Variants in FAM135B observed in about 807,000 individuals in gnomAD.
The protein encoded by FAM135B is protein FAM135B.
Under a neutral mutation model 127.7 loss-of-function variants are expected in FAM135B, and 43 were observed. That is an observed-to-expected ratio of 0.34 (90% CI 0.26 to 0.43). The LOEUF is 0.43. FAM135B is among the 20% of genes least tolerant of loss of function. The probability of loss-of-function intolerance (pLI) is 1.00; values close to 1 mark genes in which losing one functional copy is unlikely to be tolerated. For missense variants in FAM135B, 1,558 were observed against 1,725.6 expected (o/e 0.90, Z 1.72); for synonymous variants, 670 against 665.1 (o/e 1.01, Z -0.11).
intron 1 of FAM135B, among the ~76,000 whole-genome samples, chr8:138,479,975 G>A (rs1276884586): frequency 6.6e-6 from 1 of 152,008 alleles, no homozygotes; most frequent in Non-Finnish European, 1.5e-5. Context: ...ATTCCTCATT[G>A]AGACAGTCTG....
At chr8:138,474,530 T>C (rs1019266843) in intron 1 of FAM135B, among the ~76,000 whole-genome samples, 1 of 152,108 alleles carries the variant, frequency 6.6e-6, no homozygotes, top group African/African-American at 2.4e-5. Flanking sequence ...GGGACATAGG[T>C]ATGATTTTAC....
intron 12 of FAM135B, among the ~76,000 whole-genome samples, chr8:138,156,218 G>A (rs1303937476): frequency 6.6e-6 from 1 of 152,158 alleles, no homozygotes; most frequent in East Asian, 1.9e-4. Context: ...ATGAAATGAA[G>A]GCAGAAATAA....
At chr8:138,272,251 G>C (rs73439043) in intron 3 of FAM135B, among the ~76,000 whole-genome samples, 3,593 of 152,184 alleles carry the variant, frequency 0.024, 101 homozygotes, top group East Asian at 0.081. Flanking sequence ...TTGCATATCA[G>C]TAACACTCAA....
intron 1 of FAM135B, among the ~76,000 whole-genome samples, chr8:138,395,446 G>A (rs1456842987): frequency 1.3e-5 from 2 of 152,114 alleles, no homozygotes; most frequent in African/African-American, 4.8e-5. Context: ...GAAAAACTGA[G>A]ACACCTGAGT....
chr8:138,365,765 A>C (rs947359082), intron 2 of FAM135B, among the ~76,000 whole-genome samples: 4 of 152,164 alleles, frequency 2.6e-5, no homozygotes, highest in Admixed American at 1.3e-4. Context: ...TGAAGTTAAA[A>C]CTAGAAATCA....
Position 138,206,234 on chromosome 8 carries a change from G to A in FAM135B, c.670-8565C>T, listed in dbSNP as rs1323314594. On this transcript the variant is annotated intron_variant, in intron 7 of 19. Transcript: ENST00000395297. ...CTCTCATCCCCTCCACCTACACACA[G>A]CTCTCTCATCCCCTCCACCTACACA... 8.7e-3 allele frequency among the ~76,000 whole-genome samples: 242 copies of A among 27,928 alleles called. 1 individual carries two copies. The highest frequency in any genetic ancestry group is 0.013 in the African/African-American group (83 of 6,632). The allele number at this position is 27,928 out of a possible 152,430, so 18.3% of individuals were successfully genotyped here.
intron 1 of FAM135B, among the ~76,000 whole-genome samples, chr8:138,455,300 C>A (rs1289723766): frequency 1.3e-5 from 2 of 152,150 alleles, no homozygotes; most frequent in African/African-American, 2.4e-5. Context: ...GCATTGGGAC[C>A]TTGGGTTGCA....
Position 138,329,693 on chromosome 8 carries a change from G to A in FAM135B, c.78-18773C>T, listed in dbSNP as rs551883700. On this transcript the variant is annotated intron_variant, in intron 2 of 19. Coordinates refer to ENST00000395297, the MANE Select transcript of FAM135B (RefSeq NM_015912.4). ...GCGGTTAGACAGACATGGGGAAGCT[G>A]TAAACTCACCTCACAGCTTTGTTGT... is the stretch of plus-strand genomic sequence containing the variant. Among the ~76,000 whole-genome samples the A allele has an allele frequency of 2.0e-4, 31 of 152,262 alleles. No homozygotes were observed. In the South Asian group the frequency reaches 6.2e-3, roughly 31 times the overall value.
intron 3 of FAM135B, among the ~76,000 whole-genome samples, chr8:138,300,365 G>A (rs1004908400): frequency 3.9e-5 from 6 of 152,096 alleles, no homozygotes; most frequent in South Asian, 2.1e-4. Flanking sequence ...CCCTCCTGCC[G>A]TTTATGGCAA....
At chr8:138,317,115 C>T (rs1050482398) in intron 2 of FAM135B, among the ~76,000 whole-genome samples, 2 of 152,074 alleles carry the variant, frequency 1.3e-5, no homozygotes. Context: ...ATCCACAATA[C>T]TAAAAACTGA....
intron 3 of FAM135B, among the ~76,000 whole-genome samples, chr8:138,307,434 C>T (rs909801499): frequency 6.6e-5 from 10 of 152,068 alleles, no homozygotes; most frequent in Admixed American, 6.5e-4. Context: ...ACTAATACAG[C>T]ACCCCTTCAC....
chr8:138,165,105 ATTTAT>A (rs1489238862), intron 12 of FAM135B, among the ~76,000 whole-genome samples: 1 of 147,270 alleles, frequency 6.8e-6, no homozygotes, highest in Admixed American at 6.8e-5. Flanking sequence ...GAATGAATTT[ATTTAT>A]TTATTTAATT....
At chr8:138,364,996 G>A (rs78364687) in intron 2 of FAM135B, among the ~76,000 whole-genome samples, 4,901 of 151,976 alleles carry the variant, frequency 0.032, 157 homozygotes, top group East Asian at 0.17. Context: ...ACAAGTGCCC[G>A]CCACCACTCT....
intron 8 of FAM135B, among the ~76,000 whole-genome samples, chr8:138,197,176 T>C (rs1025057435): frequency 1.3e-5 from 2 of 151,990 alleles, no homozygotes; most frequent in African/African-American, 2.4e-5. Flanking sequence ...ATTCCATAAT[T>C]ACAGCTTAAT....
At chr8:138,461,622 T>C (rs1461733181) in intron 1 of FAM135B, among the ~76,000 whole-genome samples, 1 of 152,204 alleles carries the variant, frequency 6.6e-6, no homozygotes, top group Non-Finnish European at 1.5e-5. Context: ...AGGTTCCTTA[T>C]ACATATTGCA....
Position 138,310,920 on chromosome 8 carries a change from C to A in FAM135B, c.78G>T (p.Gly26=). The change falls in exon 3 of 20, where the codon GGG becomes GGT. Residue 26 remains glycine, a splice_region_variant and synonymous_variant. Transcript: ENST00000395297. The part of the protein sequence containing the change: ...KFYNVDLFQR[G]YYQIRVTLKV... Reference sequence around the variant, plus strand: ...TCAAGGTCACTCGGATCTGGTAATACCTAAGAAAAGAGAAGAGGACAGGGT... The same window carrying A: ...TCAAGGTCACTCGGATCTGGTAATAACTAAGAAAAGAGAAGAGGACAGGGT... 1 of 1,611,666 alleles carries A rather than the reference C, an allele frequency of 6.2e-7. No individual in the cohort carries two copies. The highest frequency in any genetic ancestry group is 8.5e-7 in the Non-Finnish European group (1 of 1,179,020).
At chr8:138,223,238 G>A (rs1322793386) in intron 7 of FAM135B, among the ~76,000 whole-genome samples, 1 of 152,184 alleles carries the variant, frequency 6.6e-6, no homozygotes, top group Non-Finnish European at 1.5e-5. Flanking sequence ...TTCCACCAGG[G>A]CCCATTTATG....
At chr8:138,370,198 G>A (rs1831025278) in intron 1 of FAM135B, among the ~76,000 whole-genome samples, 1 of 152,132 alleles carries the variant, frequency 6.6e-6, no homozygotes, top group Non-Finnish European at 1.5e-5. Flanking sequence ...TTGGGGTAGA[G>A]TTAATATTTA....
chr8:138,149,289 C>T (rs953423815), intron 13 of FAM135B, among the ~76,000 whole-genome samples: 3 of 152,198 alleles, frequency 2.0e-5, no homozygotes, highest in South Asian at 2.1e-4. Flanking sequence ...AGATTCTACC[C>T]AGCTCCAAGG....
Sources: allele counts gnomAD v4.1 joint callset (sites outside exome capture counted in the v4.1 genomes callset), GRCh38; gene constraint gnomAD v4.1.1; transcripts MANE v1.5; gene names NCBI Gene and HGNC (gene_info 2026-07-23, HGNC 2026-07-21).